Variants in SGCZ observed in about 807,000 individuals in gnomAD.
The protein encoded by SGCZ is zeta-sarcoglycan.
SGCZ carries 40 observed loss-of-function variants against 41.3 expected under a neutral mutation model. The observed-to-expected ratio is 0.97, with a 90% CI of 0.75 to 1.26. The LOEUF (loss-of-function observed/expected upper bound fraction) is 1.26, where lower values mean the gene tolerates loss of function less well. Among genes scored for constraint, SGCZ ranks in the 50% most tolerant of loss-of-function variants. SGCZ has a pLI of 0.00. For missense variants in SGCZ, 552 were observed against 369.8 expected (o/e 1.49, Z -4.04); for synonymous variants, 206 against 137.5 (o/e 1.50, Z -3.49).
intron 5 of SGCZ, among the ~76,000 whole-genome samples, chr8:14,112,795 T>G (rs1249194566): frequency 1.3e-5 from 2 of 152,152 alleles, no homozygotes; most frequent in Non-Finnish European, 2.9e-5. Context: ...GATTATTTTT[T>G]CAAACACGTC....
chr8:15,054,186 C>T (rs1167707872), intron 1 of SGCZ, among the ~76,000 whole-genome samples: 1 of 152,094 alleles, frequency 6.6e-6, no homozygotes, highest in Admixed American at 6.5e-5. Flanking sequence ...TATGTTAATA[C>T]CAAATAATAA....
At chr8:14,966,248 T>C (rs1388258674) in intron 1 of SGCZ, among the ~76,000 whole-genome samples, 5 of 151,828 alleles carry the variant, frequency 3.3e-5, no homozygotes. Flanking sequence ...GAAATATTGA[T>C]GTCATCAGAG....
intron 1 of SGCZ, among the ~76,000 whole-genome samples, chr8:15,084,962 T>C (rs1805895804): frequency 6.6e-6 from 1 of 152,204 alleles, no homozygotes; most frequent in Admixed American, 6.5e-5. Context: ...ATAGTCAGTA[T>C]AATTCAGTGG....
chr8:14,313,298 C>A (rs960091266), intron 3 of SGCZ, among the ~76,000 whole-genome samples: 1 of 152,076 alleles, frequency 6.6e-6, no homozygotes. Context: ...TCTGCTACCC[C>A]AGGGCTGATT....
intron 1 of SGCZ, among the ~76,000 whole-genome samples, chr8:15,022,217 A>G (rs761110910): frequency 1.1e-4 from 17 of 152,244 alleles, no homozygotes; most frequent in Non-Finnish European, 2.2e-4. Context: ...TCAAAAACAC[A>G]TGTAATAAAA....
At chr8:14,660,742 C>T (rs1001128539) in intron 1 of SGCZ, among the ~76,000 whole-genome samples, 4 of 152,048 alleles carry the variant, frequency 2.6e-5, no homozygotes, top group South Asian at 2.1e-4. Context: ...AAAGGTCTTA[C>T]TGGGAAAGCT....
At chr8:14,557,092 C>G (rs1041952483) in intron 1 of SGCZ, among the ~76,000 whole-genome samples, 3 of 151,862 alleles carry the variant, frequency 2.0e-5, no homozygotes, top group Non-Finnish European at 2.9e-5. Context: ...TACACCAATG[C>G]CTATTACTTT....
intron 5 of SGCZ, among the ~76,000 whole-genome samples, chr8:14,128,629 CA>C: frequency 6.6e-6 from 1 of 152,126 alleles, no homozygotes; most frequent in Admixed American, 6.5e-5. Flanking sequence ...TTCACAATAT[CA>C]AAATCATGGA....
At chr8:14,377,082 T>C (rs1804159436) in intron 2 of SGCZ, among the ~76,000 whole-genome samples, 1 of 152,116 alleles carries the variant, frequency 6.6e-6, no homozygotes, top group Admixed American at 6.5e-5. Context: ...GGCCCCTATA[T>C]AGCCCCAGCA....
chr8:14,539,692 C>T (rs1803400769), intron 2 of SGCZ, among the ~76,000 whole-genome samples: 1 of 151,922 alleles, frequency 6.6e-6, no homozygotes, highest in African/African-American at 2.4e-5. Context: ...TCTTCTTCCT[C>T]CTTCCATCCT....
At chr8:15,094,982 G>A (rs937648004) in intron 1 of SGCZ, among the ~76,000 whole-genome samples, 1 of 152,146 alleles carries the variant, frequency 6.6e-6, no homozygotes, top group Non-Finnish European at 1.5e-5. Context: ...GAACTGACTA[G>A]TACAAGGAGC....
At chr8:14,774,881 T>G (rs1282651996) in intron 1 of SGCZ, among the ~76,000 whole-genome samples, 1 of 152,178 alleles carries the variant, frequency 6.6e-6, no homozygotes, top group African/African-American at 2.4e-5. Context: ...AAGTACTCAT[T>G]TAATTACCTT....
chr8:14,361,427 T>A (rs774138050), intron 2 of SGCZ, among the ~76,000 whole-genome samples: 18 of 152,310 alleles, frequency 1.2e-4, no homozygotes, highest in Admixed American at 2.0e-4. Flanking sequence ...ATTTCATTAA[T>A]TTGCTCTTCA....
chr8:14,256,822 G>A (rs989566010), intron 3 of SGCZ, among the ~76,000 whole-genome samples: 1 of 152,110 alleles, frequency 6.6e-6, no homozygotes, highest in African/African-American at 2.4e-5. Context: ...TCATCAAACT[G>A]TCTAATATTT....
intron 1 of SGCZ, among the ~76,000 whole-genome samples, chr8:14,918,766 A>G (rs1799509840): frequency 6.6e-6 from 1 of 152,234 alleles, no homozygotes; most frequent in African/African-American, 2.4e-5. Context: ...AGTTGAAGTT[A>G]TCTTCAGAGA....
intron 1 of SGCZ, among the ~76,000 whole-genome samples, chr8:14,682,061 C>A (rs545462829): frequency 4.4e-3 from 668 of 152,076 alleles, no homozygotes; most frequent in Non-Finnish European, 7.0e-3. Context: ...TTCAATCCAA[C>A]CTTTAGTCCA....
chr8:14,917,815 CAT>C (rs1799482456), intron 1 of SGCZ, among the ~76,000 whole-genome samples: 1 of 152,118 alleles, frequency 6.6e-6, no homozygotes, highest in Admixed American at 6.5e-5. Flanking sequence ...TACCATATCA[CAT>C]GTGCCTTTCT....
chr8:14,453,039 G>A (rs988457295), intron 2 of SGCZ, among the ~76,000 whole-genome samples: 1 of 152,112 alleles, frequency 6.6e-6, no homozygotes, highest in Non-Finnish European at 1.5e-5. Flanking sequence ...GGAGGCAGAG[G>A]CTGCAGGGAG....
At chr8:14,693,710 C>G (rs1054172851) in intron 1 of SGCZ, among the ~76,000 whole-genome samples, 1 of 151,088 alleles carries the variant, frequency 6.6e-6, no homozygotes, top group African/African-American at 2.4e-5. Context: ...TCTCCCTCAG[C>G]CCCCCAAGTA....
Sources: gnomAD v4.1 joint callset for allele counts (sites outside exome capture counted in the v4.1 genomes callset) on GRCh38, gnomAD v4.1.1 for gene constraint, MANE v1.5 for transcripts, NCBI Gene and HGNC (gene_info 2026-07-23, HGNC 2026-07-21) for gene names.